Variants in TAF2 observed in about 807,000 individuals in gnomAD.
The protein encoded by TAF2 is TATA-box binding protein associated factor 2, also known as transcription initiation factor TFIID subunit 2.
Under a neutral mutation model 138.5 loss-of-function variants are expected in TAF2, and 61 were observed. The observed-to-expected ratio is 0.44, with a 90% CI of 0.36 to 0.54. The LOEUF (loss-of-function observed/expected upper bound fraction) is 0.54, where lower values mean the gene tolerates loss of function less well. Among genes scored for constraint, TAF2 ranks in the 20% least tolerant of loss-of-function variants. The probability of loss-of-function intolerance (pLI) is 0.00; values close to 1 mark genes in which losing one functional copy is unlikely to be tolerated. For synonymous variants in TAF2, 475 were observed against 469.9 expected, an observed-to-expected ratio of 1.01 and a Z score of -0.14; for missense variants, 1,090 against 1,427.9, an observed-to-expected ratio of 0.76 and a Z score of 3.81.
intron 22 of TAF2, among the ~76,000 whole-genome samples, chr8:119,753,911 A>C (rs1034543678): frequency 6.6e-6 from 1 of 152,216 alleles, no homozygotes; most frequent in East Asian, 1.9e-4. Context: ...ATGAACCTTT[A>C]TAAGTTCCTG....
intron 22 of TAF2, among the ~76,000 whole-genome samples, chr8:119,748,519 C>A (rs539223984): frequency 6.6e-6 from 1 of 151,816 alleles, no homozygotes; most frequent in South Asian, 2.1e-4. Flanking sequence ...GTGTGACATA[C>A]AACACTGGTA....
chr8:119,783,573 T>A lies in TAF2; in HGVS notation c.1920A>T (p.Val640=). The A allele has an allele frequency of 6.2e-7, 1 of 1,614,162 alleles. No individual in the cohort carries two copies. The highest frequency in any genetic ancestry group is 1.7e-5 in the Admixed American group (1 of 60,026). ...ACATAAAATCAGCTTGCTCAAATTC[T>A]ACCTTCCTCAATACTGACATATCTG... The part of the protein sequence containing the change: ...IDPDMSVLRK[V]EFEQADFMWQ... The change falls in exon 16 of 26, where the codon GTA becomes GTT. Residue 640 remains valine, a synonymous_variant. Coordinates refer to ENST00000378164, the MANE Select transcript of TAF2 (RefSeq NM_003184.4).
chr8:119,783,683 C>A (rs1312848245), intron 15 of TAF2, 50 bp from the exon 16 acceptor site: 3 of 1,542,676 alleles, frequency 1.9e-6, no homozygotes, highest in Non-Finnish European at 2.6e-6. Flanking sequence ...AACTTATCAT[C>A]TATATATTTA....
intron 3 of TAF2, among the ~76,000 whole-genome samples, chr8:119,815,854 T>G (rs1197611129): frequency 6.6e-6 from 1 of 152,160 alleles, no homozygotes; most frequent in Non-Finnish European, 1.5e-5. Context: ...TGACAAATAG[T>G]AAAGCAAAAA....
intron 25 of TAF2, among the ~76,000 whole-genome samples, chr8:119,736,767 G>A (rs958704776): frequency 2.0e-5 from 3 of 152,002 alleles, no homozygotes; most frequent in African/African-American, 7.2e-5. Flanking sequence ...AAAAAGAGTC[G>A]ACCAGACATT....
At chr8:119,742,036 TATAAG>T (rs1286973428) in intron 25 of TAF2, among the ~76,000 whole-genome samples, 1 of 152,236 alleles carries the variant, frequency 6.6e-6, no homozygotes, top group Non-Finnish European at 1.5e-5. Flanking sequence ...TGTGAAATGA[TATAAG>T]AGAATATAGC....
intron 3 of TAF2, among the ~76,000 whole-genome samples, chr8:119,818,994 CT>C (rs1825660915): frequency 1.3e-5 from 2 of 152,014 alleles, no homozygotes; most frequent in South Asian, 4.1e-4. Context: ...AGCCTCTGGT[CT>C]ACAGATTACA....
intron 7 of TAF2, among the ~76,000 whole-genome samples, 200 bp from the exon 8 acceptor site, chr8:119,797,303 A>G (rs984605773): frequency 1.3e-5 from 2 of 152,154 alleles, no homozygotes; most frequent in African/African-American, 2.4e-5. Flanking sequence ...TCCACTGATG[A>G]TATCAGTAAA....
At chr8:119,766,532 G>A (rs1255788339) in intron 18 of TAF2, among the ~76,000 whole-genome samples, 1 of 152,190 alleles carries the variant, frequency 6.6e-6, no homozygotes, top group African/African-American at 2.4e-5. Flanking sequence ...GCTCACACCT[G>A]TAATCCCAGC....
At chr8:119,767,226 T>C (rs1821493778) in intron 18 of TAF2, 1 of 152,170 alleles carries the variant, frequency 6.6e-6, no homozygotes, top group African/African-American at 2.4e-5. Flanking sequence ...TGATTAGAAG[T>C]AGCTAGTGGG....
chr8:119,764,225 C>T (rs1821273166), intron 18 of TAF2, among the ~76,000 whole-genome samples: 1 of 152,060 alleles, frequency 6.6e-6, no homozygotes, highest in South Asian at 2.1e-4. Context: ...ATTAGATCAT[C>T]TATGTTTTGG....
At chr8:119,746,373 C>CAAA (rs11392436) in intron 23 of TAF2, among the ~76,000 whole-genome samples, 7,428 of 54,300 alleles carry the variant, frequency 0.14, 847 homozygotes, top group East Asian at 0.36. Flanking sequence ...AACTCTGTCT[C>CAAA]AAAAAAAAAA....
chr8:119,829,110 A>G (rs1826279142), intron 2 of TAF2, among the ~76,000 whole-genome samples: 2 of 152,188 alleles, frequency 1.3e-5, no homozygotes, highest in African/African-American at 2.4e-5. Flanking sequence ...TTAAAAAGGT[A>G]GACTGTTCTG....
intron 22 of TAF2, among the ~76,000 whole-genome samples, chr8:119,754,547 G>C (rs1218131643): frequency 2.0e-5 from 3 of 152,146 alleles, no homozygotes; most frequent in Non-Finnish European, 4.4e-5. Flanking sequence ...GCTGGGCATG[G>C]TGGTAGGCGC....
chr8:119,775,838 A>T (rs538350957), intron 18 of TAF2, among the ~76,000 whole-genome samples: 1 of 152,226 alleles, frequency 6.6e-6, no homozygotes, highest in Non-Finnish European at 1.5e-5. Context: ...CATCAGATAA[A>T]ATTTCCCTGG....
intron 25 of TAF2, among the ~76,000 whole-genome samples, chr8:119,734,168 T>C (rs1247496588): frequency 3.3e-5 from 5 of 152,162 alleles, no homozygotes; most frequent in African/African-American, 1.2e-4. Context: ...GTGGTCTTCC[T>C]AAACAAAGCT....
intron 4 of TAF2, 120 bp from the exon 5 acceptor site, chr8:119,804,139 C>T (rs1824453777): frequency 3.4e-6 from 4 of 1,166,342 alleles, no homozygotes; most frequent in African/African-American, 1.5e-5. Context: ...TATGAAAAAC[C>T]ACACTACTTA....
chr8:119,770,050 C>T (rs1394223562), intron 18 of TAF2, among the ~76,000 whole-genome samples: 7 of 139,518 alleles, frequency 5.0e-5, no homozygotes, highest in South Asian at 2.2e-4. Context: ...AGCCACTGCA[C>T]GCAGCCCCCA....
At chr8:119,776,954 TCCA>T (rs1272445702) in intron 18 of TAF2, among the ~76,000 whole-genome samples, 1 of 152,186 alleles carries the variant, frequency 6.6e-6, no homozygotes, top group Non-Finnish European at 1.5e-5. Flanking sequence ...ATCTTTGAAT[TCCA>T]CCAACCTCAG....
Sources: gnomAD v4.1 joint callset for allele counts (sites outside exome capture counted in the v4.1 genomes callset) on GRCh38, gnomAD v4.1.1 for gene constraint, MANE v1.5 for transcripts, NCBI Gene and HGNC (gene_info 2026-07-23, HGNC 2026-07-21) for gene names.